The following ESR1 variants were observed in gnomAD, a reference collection of about 807,000 sequenced individuals.
ESR1 encodes estrogen receptor.
Under a neutral mutation model 52.7 loss-of-function variants are expected in ESR1, and 12 were observed. The ratio of observed to expected loss-of-function variants is 0.23; its 90% CI spans 0.15 to 0.37. ESR1 has a LOEUF of 0.37. Ranked by LOEUF, ESR1 falls within the 10% of genes least tolerant of loss-of-function variation. The pLI is 1.00. For missense variants in ESR1, 584 were observed against 779.7 expected, an observed-to-expected ratio of 0.75 and a Z score of 2.99; for synonymous variants, 305 against 316.8, an observed-to-expected ratio of 0.96 and a Z score of 0.39.
At chr6:152,112,768 C>A (rs960747608) in intron 6 of ESR1, 1 of 152,262 alleles carries the variant, frequency 6.6e-6, no homozygotes, top group Non-Finnish European at 1.5e-5. Context: ...AGGAAACGAA[C>A]AAGGGAAACT....
downstream of ESR1, among the ~76,000 whole-genome samples, chr6:152,108,242 C>G (rs939909915): frequency 6.6e-6 from 1 of 152,186 alleles, no homozygotes; most frequent in Admixed American, 6.5e-5. Context: ...TCCACCAAAT[C>G]AAGTGAGCTC....
chr6:152,122,441 G>A (rs760509759), intron 6 of ESR1: 5 of 1,614,144 alleles, frequency 3.1e-6, no homozygotes, highest in Non-Finnish European at 4.2e-6. Flanking sequence ...TTAGTTCAGA[G>A]TGGAGGAGGG....
chr6:151,947,018 G>A (rs1172993009), intron 4 of ESR1, among the ~76,000 whole-genome samples: 1 of 152,150 alleles, frequency 6.6e-6, no homozygotes, highest in Non-Finnish European at 1.5e-5. Context: ...ATAATAGTAA[G>A]TTTTAAAAGA....
intron 5 of ESR1, among the ~76,000 whole-genome samples, chr6:152,021,175 G>C (rs776104207): frequency 6.6e-6 from 1 of 152,050 alleles, no homozygotes; most frequent in African/African-American, 2.4e-5. Flanking sequence ...TGGTGGGCAC[G>C]ATCTAGTCAG....
intron 5 of ESR1, among the ~76,000 whole-genome samples, chr6:152,037,771 T>G (rs1409993427): frequency 6.6e-6 from 1 of 152,100 alleles, no homozygotes; most frequent in Non-Finnish European, 1.5e-5. Context: ...GTGGTTAAGT[T>G]TAGTTGCTTA....
chr6:151,762,200 G>A (rs1318536559), intron 2 of ESR1, among the ~76,000 whole-genome samples: 2 of 152,188 alleles, frequency 1.3e-5, no homozygotes, highest in African/African-American at 2.4e-5. Context: ...AGGAGAAAAT[G>A]AATTCATCAT....
intron 6 of ESR1, among the ~76,000 whole-genome samples, chr6:152,124,228 C>T (rs2052528649): frequency 6.6e-6 from 1 of 152,158 alleles, no homozygotes; most frequent in South Asian, 2.1e-4. Flanking sequence ...ATCGCTTGAA[C>T]CCGGGAGGCG....
intron 2 of ESR1, among the ~76,000 whole-genome samples, chr6:151,761,229 A>T (rs887195695): frequency 6.6e-6 from 1 of 152,002 alleles, no homozygotes; most frequent in Admixed American, 6.6e-5. Flanking sequence ...TATTTAAAAT[A>T]TTTACGTTTT....
At position 152,027,910 on chromosome 6, in the gene ESR1, G is replaced by A. The variant is rs143750048; in HGVS notation, c.1235+16116G>A. On this transcript the variant is annotated intron_variant, in intron 5 of 7. Transcript: ENST00000206249. Reference sequence around the variant, plus strand: ...TGTAATCCCAGCACTTTGGGAGGCCGAGGCGGGTAGATCATAAGGTTAGCA... The same window carrying A: ...TGTAATCCCAGCACTTTGGGAGGCCAAGGCGGGTAGATCATAAGGTTAGCA... Among the ~76,000 whole-genome samples, 1,203 of 152,170 alleles carry A rather than the reference G, an allele frequency of 7.9e-3. 12 individuals carry two copies. Among genetic ancestry groups the A allele is most frequent in the African/African-American group, 0.028 (1,151 of 41,494 alleles).
chr6:151,811,154 G>T (rs939021749), intron 1 of ESR1: 1 of 152,184 alleles, frequency 6.6e-6, no homozygotes, highest in Admixed American at 6.5e-5. Flanking sequence ...TATGTGTGAA[G>T]AAATGTAATA....
intron 2 of ESR1, among the ~76,000 whole-genome samples, chr6:151,713,203 G>A (rs1324165697): frequency 1.3e-5 from 2 of 152,086 alleles, no homozygotes; most frequent in East Asian, 1.9e-4. Context: ...TGATTGTGGT[G>A]GACAAGCTTT....
chr6:151,786,325 C>T lies in ESR1; in HGVS notation c.-70-21518C>T, dbSNP rs112095022. On this transcript the variant is annotated intron_variant, in intron 2 of 2. Transcript: ENST00000404742. ...GCCTCCTGGCACCTCTACCCTCTAG[C>T]GAGAGGCTGCCTCTCCTGCCCCACC... Among the ~76,000 whole-genome samples the T allele has an allele frequency of 7.2e-5, 11 of 152,260 alleles. No homozygotes were observed. The East Asian group carries it at 1.4e-3, about 19-fold the overall frequency.
At chr6:151,783,904 T>C (rs899395224) in intron 2 of ESR1, among the ~76,000 whole-genome samples, 2 of 152,238 alleles carry the variant, frequency 1.3e-5, no homozygotes, top group East Asian at 1.9e-4. Context: ...TCAAGCGTTT[T>C]GTAGAATGTA....
At chr6:152,038,913 C>A (rs1211517544) in intron 5 of ESR1, among the ~76,000 whole-genome samples, 1 of 152,154 alleles carries the variant, frequency 6.6e-6, no homozygotes, top group East Asian at 1.9e-4. Context: ...CAAAGTGATC[C>A]ACCCACCTTG....
At chr6:151,690,188 A>G (rs1220516294), upstream of ESR1, among the ~76,000 whole-genome samples, 1 of 152,196 alleles carries the variant, frequency 6.6e-6, no homozygotes, top group African/African-American at 2.4e-5. Context: ...CTTTGGATTA[A>G]CAAAATTTAT....
chr6:152,028,851 G>A (rs2044400601), intron 5 of ESR1, among the ~76,000 whole-genome samples: 3 of 152,222 alleles, frequency 2.0e-5, no homozygotes, highest in Admixed American at 2.0e-4. Flanking sequence ...GCCTCCTCAA[G>A]TGGGTCCCTG....
At chr6:152,057,346 A>T (rs1485701723) in intron 5 of ESR1, among the ~76,000 whole-genome samples, 1 of 152,232 alleles carries the variant, frequency 6.6e-6, no homozygotes, top group Non-Finnish European at 1.5e-5. Flanking sequence ...CAAAACTATC[A>T]TCAGAATCAT....
intron 2 of ESR1, among the ~76,000 whole-genome samples, chr6:151,738,002 T>C (rs79542911): frequency 1.5e-4 from 23 of 152,218 alleles, no homozygotes; most frequent in Admixed American, 1.5e-3. Flanking sequence ...TAATGTTTTG[T>C]TATTGATGAT....
intron 6 of ESR1, among the ~76,000 whole-genome samples, chr6:152,084,472 C>T (rs11155832): frequency 0.21 from 31,571 of 151,090 alleles, 4,627 homozygotes; most frequent in African/African-American, 0.4. Flanking sequence ...TTTTACCTCC[C>T]ACCACGATTC....
Sources: allele counts gnomAD v4.1 joint callset (sites outside exome capture counted in the v4.1 genomes callset), GRCh38; gene constraint gnomAD v4.1.1; transcripts MANE v1.5; gene names NCBI Gene and HGNC (gene_info 2026-07-23, HGNC 2026-07-21).